The following C8orf34 variants were observed in gnomAD, a reference collection of about 807,000 sequenced individuals.
C8orf34 encodes the protein uncharacterized protein C8orf34.
In C8orf34, 65 loss-of-function variants were observed where a neutral mutation model predicts 68.3. The observed-to-expected ratio is 0.95, with a 90% CI of 0.78 to 1.17. The LOEUF (loss-of-function observed/expected upper bound fraction) is 1.17. C8orf34 is among the 50% of genes most tolerant of loss of function. C8orf34 has a pLI of 0.00. For missense variants in C8orf34, 664 were observed against 655.4 expected, an observed-to-expected ratio of 1.01 and a Z score of -0.14; for synonymous variants, 244 against 241.2, an observed-to-expected ratio of 1.01 and a Z score of -0.11.
chr8:68,373,660 C>A (rs918626364), intron 1 of C8orf34, among the ~76,000 whole-genome samples: 2 of 152,012 alleles, frequency 1.3e-5, no homozygotes, highest in East Asian at 3.9e-4. Context: ...CTTTAAGTTA[C>A]TATATATTTA....
At chr8:68,411,981 G>A (rs1809463476) in intron 1 of C8orf34, among the ~76,000 whole-genome samples, 2 of 152,290 alleles carry the variant, frequency 1.3e-5, no homozygotes, top group South Asian at 2.1e-4. Context: ...TGGGATTAGT[G>A]AGTCCCCTTA....
intron 3 of C8orf34, among the ~76,000 whole-genome samples, chr8:68,450,040 G>A (rs1811281756): frequency 6.6e-6 from 1 of 152,128 alleles, no homozygotes; most frequent in East Asian, 1.9e-4. Flanking sequence ...AGTTGATGCA[G>A]TATTTTAAGT....
chr8:68,539,731 G>A (rs141169185), intron 7 of C8orf34, among the ~76,000 whole-genome samples: 35 of 152,004 alleles, frequency 2.3e-4, no homozygotes, highest in African/African-American at 6.0e-4. Context: ...GCACATGCCC[G>A]TAATCCCAGC....
intron 3 of C8orf34, among the ~76,000 whole-genome samples, chr8:68,464,198 A>G (rs1181285652): frequency 6.6e-6 from 1 of 152,172 alleles, no homozygotes; most frequent in African/African-American, 2.4e-5. Flanking sequence ...CAAAGAGAAT[A>G]TTTGCTTCAA....
intron 11 of C8orf34, among the ~76,000 whole-genome samples, chr8:68,785,152 C>A (rs1823809665): frequency 6.6e-6 from 1 of 151,266 alleles, no homozygotes; most frequent in Non-Finnish European, 1.5e-5. Flanking sequence ...TAAGGTGAGT[C>A]ATTATCTCAC....
chr8:68,712,631 T>C (rs1461868572), intron 9 of C8orf34, among the ~76,000 whole-genome samples: 3 of 152,058 alleles, frequency 2.0e-5, no homozygotes, highest in Non-Finnish European at 4.4e-5. Flanking sequence ...ATTAGTTCAA[T>C]AGGAAAATAT....
chr8:68,395,109 A>G (rs551155186), intron 1 of C8orf34, among the ~76,000 whole-genome samples: 116 of 152,204 alleles, frequency 7.6e-4, no homozygotes, highest in African/African-American at 2.6e-3. Context: ...AATGTCAAAT[A>G]TGTGGAAAAA....
chr8:68,627,629 C>A (rs1818574551), intron 7 of C8orf34, among the ~76,000 whole-genome samples: 1 of 152,182 alleles, frequency 6.6e-6, no homozygotes, highest in South Asian at 2.1e-4. Flanking sequence ...GATGCAGAAA[C>A]CCAGTTTTGG....
chr8:68,716,177 G>A (rs1050169906), intron 9 of C8orf34, among the ~76,000 whole-genome samples: 1 of 151,740 alleles, frequency 6.6e-6, no homozygotes, highest in South Asian at 2.1e-4. Context: ...AAGGGTGGGG[G>A]TGGTGAAGGA....
intron 7 of C8orf34, among the ~76,000 whole-genome samples, chr8:68,621,443 A>G (rs536058524): frequency 2.0e-5 from 3 of 152,348 alleles, no homozygotes; most frequent in South Asian, 2.1e-4. Flanking sequence ...AAACACTACA[A>G]CACAAAAGAG....
intron 5 of C8orf34, among the ~76,000 whole-genome samples, chr8:68,489,022 C>T (rs1317825152): frequency 6.6e-6 from 1 of 151,652 alleles, no homozygotes; most frequent in Non-Finnish European, 1.5e-5. Flanking sequence ...TAAACCATTA[C>T]CTTAACACAA....
intron 4 of C8orf34, among the ~76,000 whole-genome samples, chr8:68,474,624 G>A (rs1165150215): frequency 6.6e-6 from 1 of 152,110 alleles, no homozygotes; most frequent in Non-Finnish European, 1.5e-5. Flanking sequence ...AAATCTCTGT[G>A]GCTTGATACA....
intron 10 of C8orf34, among the ~76,000 whole-genome samples, chr8:68,742,250 C>T (rs1365267408): frequency 6.6e-6 from 1 of 152,198 alleles, no homozygotes; most frequent in African/African-American, 2.4e-5. Flanking sequence ...AATGACTCTC[C>T]ATTTAGCCTT....
chr8:68,383,292 C>T (rs1808120795), intron 1 of C8orf34, among the ~76,000 whole-genome samples: 1 of 152,112 alleles, frequency 6.6e-6, no homozygotes, highest in Non-Finnish European at 1.5e-5. Context: ...GAAACATTTG[C>T]CTAAATTTGG....
At chr8:68,718,715 A>C (rs1221550036) in intron 9 of C8orf34, among the ~76,000 whole-genome samples, 1 of 152,214 alleles carries the variant, frequency 6.6e-6, no homozygotes, top group African/African-American at 2.4e-5. Flanking sequence ...CACAAGCAGC[A>C]AAAGTAAAAA....
At chr8:68,639,100 G>C (rs937901152) in intron 7 of C8orf34, among the ~76,000 whole-genome samples, 9 of 152,144 alleles carry the variant, frequency 5.9e-5, no homozygotes, top group Non-Finnish European at 8.8e-5. Context: ...AGTAATGGCT[G>C]TATTGCATGA....
intron 1 of C8orf34, among the ~76,000 whole-genome samples, chr8:68,414,039 G>T (rs186889130): frequency 6.6e-6 from 1 of 152,202 alleles, no homozygotes. Context: ...GCCTTTGCAT[G>T]GACTATTCTC....
At chr8:68,360,626 C>T (rs1360721030) in intron 1 of C8orf34, among the ~76,000 whole-genome samples, 9 of 152,154 alleles carry the variant, frequency 5.9e-5, no homozygotes, top group African/African-American at 1.7e-4. Flanking sequence ...CTTAACTATA[C>T]ATTGTCCTCA....
intron 7 of C8orf34, among the ~76,000 whole-genome samples, chr8:68,573,439 G>T (rs1816813708): frequency 6.6e-6 from 1 of 152,184 alleles, no homozygotes; most frequent in South Asian, 2.1e-4. Flanking sequence ...CCAGTCTGCA[G>T]CTTAGAGCCA....
Sources: allele counts gnomAD v4.1 joint callset (sites outside exome capture counted in the v4.1 genomes callset), GRCh38; gene constraint gnomAD v4.1.1; transcripts MANE v1.5; gene names NCBI Gene and HGNC (gene_info 2026-07-23, HGNC 2026-07-21).